NF1: variants seen among roughly 807,000 people sequenced by gnomAD.
NF1 encodes neurofibromin.
In NF1, 122 loss-of-function variants were observed where a neutral mutation model predicts 325.7. The ratio of observed to expected loss-of-function variants is 0.37; its 90% CI spans 0.32 to 0.44. The LOEUF (loss-of-function observed/expected upper bound fraction) is 0.44. Among genes scored for constraint, NF1 ranks in the 20% least tolerant of loss-of-function variants. The probability of loss-of-function intolerance (pLI) is 1.00; values close to 1 mark genes in which losing one functional copy is unlikely to be tolerated. For missense variants in NF1, 2,140 were observed against 3,415.4 expected, an observed-to-expected ratio of 0.63 and a Z score of 9.31; for synonymous variants, 1,091 against 1,186.0, an observed-to-expected ratio of 0.92 and a Z score of 1.65.
intron 8 of NF1, among the ~76,000 whole-genome samples, chr17:31,191,110 C>T (rs1597669934): frequency 6.6e-6 from 1 of 152,036 alleles, no homozygotes; most frequent in East Asian, 1.9e-4. Context: ...TAGATACTAG[C>T]ATTAAAAATA....
intron 36 of NF1, chr17:31,305,196 T>C (rs775673321): frequency 6.2e-7 from 1 of 1,614,042 alleles, no homozygotes; most frequent in Admixed American, 1.7e-5. Flanking sequence ...ATGACTTTGG[T>C]GGTTGTGTGG....
intron 12 of NF1, 149 bp from the exon 13 acceptor site, chr17:31,214,302 A>G: frequency 1.7e-6 from 1 of 591,344 alleles, no homozygotes; most frequent in Non-Finnish European, 3.0e-6. Context: ...CCTTATGCTT[A>G]CTATTGAGTG....
intron 1 of NF1, among the ~76,000 whole-genome samples, chr17:31,139,425 T>C (rs1360426873): frequency 1.3e-5 from 2 of 150,394 alleles, no homozygotes; most frequent in African/African-American, 2.5e-5. Flanking sequence ...GTAACTGTGA[T>C]GATGGATGTG....
chr17:31,343,202 G>A (rs1424325433), intron 48 of NF1, 67 bp downstream of exon 48: 2 of 1,405,958 alleles, frequency 1.4e-6, no homozygotes, highest in Non-Finnish European at 2.0e-6. Flanking sequence ...ATTTGAATAA[G>A]TGATTACTTG....
In NF1 at chr17:31,326,347, G is replaced by A. The variant is rs2151539419; in HGVS notation, c.5268+95G>A. ...CCCTAGGTGTCCTACCCCTATAGTG[G>A]TGTATAAAATGTCACGTAAGGCTGT... is the stretch of plus-strand genomic sequence containing the variant. On this transcript the variant is annotated intron_variant, in intron 37 of 57. Coordinates refer to ENST00000358273, the MANE Select transcript of NF1 (RefSeq NM_001042492.3). The A allele has an allele frequency of 6.3e-6, 8 of 1,262,426 alleles. No individual in the cohort carries two copies. In the South Asian group the frequency reaches 7.4e-5, roughly 12 times the overall value. 78.2% of individuals were successfully genotyped at this position (1,262,426 alleles called of 1,614,324 possible).
At chr17:31,184,635 G>A (rs535671579) in intron 8 of NF1, among the ~76,000 whole-genome samples, 21 of 140,870 alleles carry the variant, frequency 1.5e-4, no homozygotes, top group South Asian at 2.2e-4. Flanking sequence ...GGGCGACAGC[G>A]AGACTCCGTC....
intron 4 of NF1, among the ~76,000 whole-genome samples, chr17:31,168,607 A>G (rs1264637897): frequency 6.6e-6 from 1 of 151,796 alleles, no homozygotes; most frequent in Non-Finnish European, 1.5e-5. Flanking sequence ...TACATTCTGT[A>G]TTTGGGTTTC....
At chr17:31,096,748 G>C (rs1911761645) in intron 1 of NF1, among the ~76,000 whole-genome samples, 1 of 152,216 alleles carries the variant, frequency 6.6e-6, no homozygotes, top group Admixed American at 6.5e-5. Flanking sequence ...AGGAAGTTGA[G>C]AAGAAGCTAT....
intron 36 of NF1, chr17:31,296,101 ATATTGGG>A: frequency 6.2e-7 from 1 of 1,612,650 alleles, no homozygotes; most frequent in Non-Finnish European, 8.5e-7. Flanking sequence ...TCAGATTGGT[ATATTGGG>A]TTAACTGGTT....
chr17:31,365,659 C>G (rs1192017367), intron 57 of NF1, among the ~76,000 whole-genome samples: 1 of 152,152 alleles, frequency 6.6e-6, no homozygotes, highest in Non-Finnish European at 1.5e-5. Context: ...ATGCAAGGGG[C>G]TCTTAGACCC....
At chr17:31,315,733 A>G (rs1161785998) in intron 36 of NF1, among the ~76,000 whole-genome samples, 5 of 152,186 alleles carry the variant, frequency 3.3e-5, no homozygotes, top group South Asian at 2.1e-4. Context: ...GATGCATATT[A>G]TAGTAGGTAC....
chr17:31,306,447 A>G lies in NF1; in HGVS notation c.4836-19373A>G, dbSNP rs868718909. Among the ~76,000 whole-genome samples the G allele has an allele frequency of 7.9e-5, 12 of 152,160 alleles. 1 individual carries two copies. In the Middle Eastern group the frequency reaches 0.01, roughly 129 times the overall value. The stretch of plus-strand genomic sequence containing the variant: ...ATATAAATATCTCCCACTATCAGCA[A>G]ATTCAACATATTTAAAATGGAGTTC... On this transcript the variant is annotated intron_variant, in intron 36 of 57. Coordinates refer to ENST00000358273, the MANE Select transcript of NF1 (RefSeq NM_001042492.3).
At chr17:31,203,665 T>A (rs1326806640) in intron 11 of NF1, among the ~76,000 whole-genome samples, 1 of 152,174 alleles carries the variant, frequency 6.6e-6, no homozygotes, top group Admixed American at 6.5e-5. Flanking sequence ...TCTTAGATAT[T>A]TGGACTTCTG....
intron 3 of NF1, among the ~76,000 whole-genome samples, chr17:31,162,875 CTG>C (rs1457541563): frequency 2.6e-5 from 4 of 152,118 alleles, no homozygotes; most frequent in Non-Finnish European, 5.9e-5. Context: ...TCACAGCAAA[CTG>C]GGGATTCCCA....
At position 31,307,637 on chromosome 17, in the gene NF1, A is replaced by G. The variant is rs369159624; in HGVS notation, c.4836-18183A>G. On this transcript the variant is annotated intron_variant, in intron 36 of 57. Coordinates refer to ENST00000358273, the MANE Select transcript of NF1 (RefSeq NM_001042492.3). ...AGTTGCTTAACCTTTCCTGTTCTCA[A>G]TTGCCTTTCCTCTAAAGTGAAGAGT... 3.9e-5 allele frequency among the ~76,000 whole-genome samples: 6 copies of G among 152,292 alleles called. No individual in the cohort carries two copies. In the East Asian group the frequency reaches 5.8e-4, roughly 15 times the overall value.
rs534137875 is a variant in NF1, at chr17:31,217,582, G to A, written c.1528-1423G>A. Among the ~76,000 whole-genome samples, 19 of 152,026 alleles carry A rather than the reference G, an allele frequency of 1.2e-4. No individual in the cohort carries two copies. The South Asian group carries it at 4.0e-3, about 32-fold the overall frequency. On this transcript the variant is annotated intron_variant, in intron 13 of 57. Coordinates refer to ENST00000358273, the MANE Select transcript of NF1 (RefSeq NM_001042492.3). ...GGCCTCCCAAAGTGCTGGGATTACA[G>A]GCATGAGCCACCATGCCTGGCCAAA...
chr17:31,306,752 G>A (rs1350668907), intron 36 of NF1, among the ~76,000 whole-genome samples: 1 of 151,492 alleles, frequency 6.6e-6, no homozygotes, highest in Non-Finnish European at 1.5e-5. Context: ...TCATCTATTG[G>A]TAAATGCCAC....
intron 48 of NF1, among the ~76,000 whole-genome samples, chr17:31,344,998 C>T (rs2069933638): frequency 6.6e-6 from 1 of 152,170 alleles, no homozygotes; most frequent in South Asian, 2.1e-4. Context: ...TGGTGCAAAC[C>T]TGTAGTTTCA....
intron 36 of NF1, chr17:31,297,558 A>G (rs1040924724): frequency 6.6e-6 from 1 of 152,158 alleles, no homozygotes; most frequent in African/African-American, 2.4e-5. Context: ...GAATTTTTAA[A>G]ATACCTCTAC....
Sources: allele counts gnomAD v4.1 joint callset (sites outside exome capture counted in the v4.1 genomes callset), GRCh38; gene constraint gnomAD v4.1.1; transcripts MANE v1.5; gene names NCBI Gene and HGNC (gene_info 2026-07-23, HGNC 2026-07-21).